CALD1: variants seen among roughly 807,000 people sequenced by gnomAD.
CALD1 encodes caldesmon 1.
In CALD1, 33 loss-of-function variants were observed where a neutral mutation model predicts 99.9. That is an observed-to-expected ratio of 0.33 (90% CI 0.25 to 0.44). The LOEUF is 0.44. Among genes scored for constraint, CALD1 ranks in the 20% least tolerant of loss-of-function variants. The pLI, the probability that CALD1 is intolerant of heterozygous loss-of-function variation, is 1.00. For synonymous variants in CALD1, 310 were observed against 325.0 expected, an observed-to-expected ratio of 0.95 and a Z score of 0.50; for missense variants, 861 against 962.1, an observed-to-expected ratio of 0.89 and a Z score of 1.39.
upstream of CALD1, among the ~76,000 whole-genome samples, chr7:134,777,253 T>C (rs1796925665): frequency 6.6e-6 from 1 of 152,184 alleles, no homozygotes; most frequent in African/African-American, 2.4e-5. Context: ...CTACATGAAA[T>C]TTGTTAAATT....
intron 3 of CALD1, among the ~76,000 whole-genome samples, chr7:134,910,724 C>T (rs189644233): frequency 8.9e-4 from 136 of 152,218 alleles, no homozygotes; most frequent in African/African-American, 3.2e-3. Flanking sequence ...CAGTTGACTC[C>T]GTTTGACTTT....
Position 134,919,754 on chromosome 7 carries a change from C to G in CALD1, c.72-9000C>G, listed in dbSNP as rs139508889. Among the ~76,000 whole-genome samples the G allele has an allele frequency of 1.3e-3, 204 of 152,280 alleles. 1 individual carries two copies. In the East Asian group the frequency reaches 0.016, roughly 12 times the overall value. ...CCCAGGAAAAGGCACAACACTGATA[C>G]AGCAATGAACCCCACAATGAAATAA... is the stretch of plus-strand genomic sequence containing the variant. On this transcript the variant is annotated intron_variant, in intron 3 of 14. Coordinates refer to ENST00000361675, the MANE Select transcript of CALD1 (RefSeq NM_033138.4).
chr7:134,745,249 T>A (rs942279927), intron 1 of CALD1, among the ~76,000 whole-genome samples: 2 of 152,248 alleles, frequency 1.3e-5, no homozygotes, highest in African/African-American at 2.4e-5. Flanking sequence ...TCCATCCCAA[T>A]TCAGTATCAG....
chr7:134,917,651 A>G (rs906546272), intron 3 of CALD1, among the ~76,000 whole-genome samples: 1 of 152,228 alleles, frequency 6.6e-6, no homozygotes, highest in East Asian at 1.9e-4. Context: ...CACCAGGCCT[A>G]TTTAAAATTC....
At chr7:134,941,974 G>A (rs1001874490) in intron 7 of CALD1, among the ~76,000 whole-genome samples, 5 of 152,066 alleles carry the variant, frequency 3.3e-5, no homozygotes, top group Admixed American at 1.3e-4. Context: ...AAATACAGTC[G>A]AATCCTGAGA....
chr7:134,776,319 G>GA (rs1257239516), upstream of CALD1, among the ~76,000 whole-genome samples: 1 of 151,834 alleles, frequency 6.6e-6, no homozygotes. Flanking sequence ...TTTTCCAAGA[G>GA]TTTTTTTTCC....
rs1801474035 is a variant in CALD1, at chr7:134,878,972, C to G, written c.71+11168C>G. Among the ~76,000 whole-genome samples the G allele has an allele frequency of 3.3e-5, 5 of 151,148 alleles. No homozygotes were observed. In the South Asian group the frequency reaches 1.0e-3, roughly 32 times the overall value. On this transcript the variant is annotated intron_variant, in intron 3 of 14. Coordinates refer to ENST00000361675, the MANE Select transcript of CALD1 (RefSeq NM_033138.4). ...CCTGGACAACAGAGGGAGACCTTGT[C>G]TCAAAAAAAAAAAGATGTAATGAAA...
chr7:134,815,200 G>A (rs1160544017), intron 1 of CALD1, among the ~76,000 whole-genome samples: 2 of 152,262 alleles, frequency 1.3e-5, no homozygotes, highest in African/African-American at 2.4e-5. Flanking sequence ...TGGGGATGAA[G>A]TGGGTTAGAA....
chr7:134,737,382 G>A, the CALD1 span, among the ~76,000 whole-genome samples: 1 of 151,942 alleles, frequency 6.6e-6, no homozygotes, highest in Admixed American at 6.6e-5. Flanking sequence ...TCCCACCTTG[G>A]CTTCCCAAAG....
chr7:134,790,262 T>C (rs1797475479), intron 1 of CALD1, among the ~76,000 whole-genome samples: 1 of 152,118 alleles, frequency 6.6e-6, no homozygotes, highest in African/African-American at 2.4e-5. Flanking sequence ...TTAAGGATGG[T>C]TGAGAAGATA....
chr7:134,736,344 G>GT, the CALD1 span, among the ~76,000 whole-genome samples: 4 of 152,274 alleles, frequency 2.6e-5, no homozygotes, highest in Non-Finnish European at 5.9e-5. Context: ...GCCTATGTCT[G>GT]TAAGAGTATA....
intron 1 of CALD1, among the ~76,000 whole-genome samples, chr7:134,758,010 G>A (rs1260912549): frequency 1.3e-5 from 2 of 152,182 alleles, no homozygotes; most frequent in African/African-American, 2.4e-5. Flanking sequence ...TGCAAGGCTC[G>A]TACCTTGAGT....
intron 2 of CALD1, among the ~76,000 whole-genome samples, chr7:134,858,859 C>T (rs559861738): frequency 3.5e-4 from 54 of 152,270 alleles, no homozygotes; most frequent in African/African-American, 1.3e-3. Context: ...TGAGCCACCA[C>T]GCCCAGCCAG....
intron 12 of CALD1, 166 bp from the exon 13 acceptor site, chr7:134,960,367 G>C: frequency 1.5e-6 from 1 of 649,648 alleles, no homozygotes; most frequent in South Asian, 2.0e-5. Context: ...AGTGGGGTGA[G>C]TTACCAGGGA....
chr7:134,779,608 C>T (rs1797024407), upstream of CALD1: 3 of 398,460 alleles, frequency 7.5e-6, no homozygotes, highest in Admixed American at 4.4e-5. Flanking sequence ...CAAGGAAGGG[C>T]GGTCTGGAGT....
chr7:134,902,867 A>C (rs1463134016), intron 3 of CALD1, among the ~76,000 whole-genome samples: 1 of 152,154 alleles, frequency 6.6e-6, no homozygotes. Context: ...AGTATCATGT[A>C]CTCTGTGGCT....
the CALD1 span, among the ~76,000 whole-genome samples, chr7:134,712,995 A>G: frequency 6.6e-6 from 1 of 152,248 alleles, no homozygotes. Flanking sequence ...TATAATATAC[A>G]AGGGACTCAG....
intron 11 of CALD1, among the ~76,000 whole-genome samples, 197 bp from the exon 12 acceptor site, chr7:134,959,777 C>G (rs1808110900): frequency 6.6e-6 from 1 of 152,218 alleles, no homozygotes; most frequent in Non-Finnish European, 1.5e-5. Flanking sequence ...ATCCTCTGAT[C>G]TAGCTGTGAT....
chr7:134,767,594 G>A (rs1359708084), intron 1 of CALD1, among the ~76,000 whole-genome samples: 1 of 152,206 alleles, frequency 6.6e-6, no homozygotes, highest in Non-Finnish European at 1.5e-5. Context: ...TTTCTGGTTA[G>A]GAGGGGAGGC....
Sources: gnomAD v4.1 joint callset for allele counts (sites outside exome capture counted in the v4.1 genomes callset) on GRCh38, gnomAD v4.1.1 for gene constraint, MANE v1.5 for transcripts, NCBI Gene and HGNC (gene_info 2026-07-23, HGNC 2026-07-21) for gene names.